Variants in SLC37A3 observed in about 807,000 individuals in gnomAD.
SLC37A3 encodes the protein sugar phosphate exchanger 3.
SLC37A3 carries 51 observed loss-of-function variants against 67.1 expected under a neutral mutation model. The observed-to-expected ratio is 0.76, with a 90% confidence interval of 0.61 to 0.96. The LOEUF (loss-of-function observed/expected upper bound fraction) is 0.96, where lower values mean the gene tolerates loss of function less well. Ranked by LOEUF, SLC37A3 falls within the 40% of genes least tolerant of loss-of-function variation. SLC37A3 has a pLI of 0.00. For synonymous variants in SLC37A3, 214 were observed against 231.4 expected (o/e 0.92, Z 0.68); for missense variants, 508 against 603.0 (o/e 0.84, Z 1.65).
chr7:140,370,122 A>G (rs531463708), intron 3 of SLC37A3, among the ~76,000 whole-genome samples: 1 of 145,942 alleles, frequency 6.9e-6, no homozygotes, highest in South Asian at 2.2e-4. Context: ...AAAAAACAAA[A>G]AAGAAAAGAA....
At chr7:140,353,343 C>T (rs1796889126) in intron 7 of SLC37A3, among the ~76,000 whole-genome samples, 2 of 151,908 alleles carry the variant, frequency 1.3e-5, no homozygotes, top group South Asian at 4.2e-4. Flanking sequence ...ATTACCCAGG[C>T]GTGGTGGCGT....
At chr7:140,376,762 G>A (rs377137168) in intron 3 of SLC37A3, among the ~76,000 whole-genome samples, 2 of 152,032 alleles carry the variant, frequency 1.3e-5, no homozygotes, top group South Asian at 4.1e-4. Context: ...TGTGCATAAG[G>A]TTGAGATGGA....
chr7:140,393,317 C>G (rs1798793485), intron 1 of SLC37A3, among the ~76,000 whole-genome samples: 1 of 152,190 alleles, frequency 6.6e-6, no homozygotes. Context: ...CATATCAGCA[C>G]CTGCAGAGCT....
rs1393639906 is a variant in SLC37A3, at chr7:140,352,044, G to A, written c.703+18C>T. On this transcript the variant is annotated intron_variant, in intron 8 of 14. Coordinates refer to ENST00000326232, the MANE Select transcript of SLC37A3 (RefSeq NM_207113.3). ...TAATAGTAAGACATTCGGAATAGAAGGGGCGGCTTCTCCTCACCAATTTCT... is the reference window on the plus strand; with the variant it reads ...TAATAGTAAGACATTCGGAATAGAAAGGGCGGCTTCTCCTCACCAATTTCT... The A allele has an allele frequency of 1.2e-6, 2 of 1,602,522 alleles. No individual in the cohort carries two copies. Among genetic ancestry groups the A allele is most frequent in the East Asian group, 2.2e-5 (1 of 44,782 alleles).
intron 5 of SLC37A3, among the ~76,000 whole-genome samples, chr7:140,361,770 T>G (rs1217203194): frequency 6.8e-6 from 1 of 146,870 alleles, no homozygotes; most frequent in Admixed American, 6.8e-5. Context: ...CGGGCTGGTC[T>G]CCAGCTCCTA....
In SLC37A3 at chr7:140,374,850, C is replaced by A. The variant is rs534048985; in HGVS notation, c.199-5168G>T. ...TCCAGCCTGAGCAACAGAGCAAGAC[C>A]CTGTCTTAAAAAACAAGGCCAGCGC... On this transcript the variant is annotated intron_variant, in intron 3 of 14. Coordinates refer to ENST00000326232, the MANE Select transcript of SLC37A3 (RefSeq NM_207113.3). Among the ~76,000 whole-genome samples the A allele has an allele frequency of 4.0e-5, 6 of 151,142 alleles. No homozygotes were observed. In the South Asian group the frequency reaches 1.0e-3, roughly 26 times the overall value.
At chr7:140,351,229 C>G (rs1159436577) in intron 9 of SLC37A3, 44 bp downstream of exon 9, 1 of 1,572,056 alleles carries the variant, frequency 6.4e-7, no homozygotes, top group South Asian at 1.2e-5. Context: ...ATGTCACGGG[C>G]TCTCATACCT....
chr7:140,358,217 C>A (rs990878047), intron 6 of SLC37A3, among the ~76,000 whole-genome samples: 1 of 152,074 alleles, frequency 6.6e-6, no homozygotes, highest in African/African-American at 2.4e-5. Flanking sequence ...ACATGAATAA[C>A]CTTTGACCTT....
rs954436677 is a variant in SLC37A3, at chr7:140,334,586, G to C, written c.*826C>G. Reference sequence around the variant, plus strand: ...CCAGACAACAAATCTGGGATGGAGTGCTTCGGCTGTGAGTTACACGTCGGA... The same window carrying C: ...CCAGACAACAAATCTGGGATGGAGTCCTTCGGCTGTGAGTTACACGTCGGA... On this transcript the variant is annotated 3_prime_UTR_variant, in exon 15 of 15. Transcript: ENST00000326232. The C allele has an allele frequency of 6.6e-6, 1 of 152,626 alleles. No homozygotes were observed. The highest frequency in any genetic ancestry group is 2.4e-5 in the African/African-American group (1 of 41,418). 9.5% of individuals were successfully genotyped at this position (152,626 alleles called of 1,614,324 possible). A position where few individuals can be genotyped will look rare whatever the true frequency, so the allele number is the denominator to read the frequency against.
chr7:140,376,872 C>CA (rs1170289018), intron 3 of SLC37A3, among the ~76,000 whole-genome samples: 1 of 151,838 alleles, frequency 6.6e-6, no homozygotes, highest in East Asian at 1.9e-4. Flanking sequence ...CTCCAGAGAC[C>CA]AAATGATCCT....
Position 140,335,424 on chromosome 7 carries a change from T to C in SLC37A3, c.1473A>G (p.Ile491Met). The change falls in exon 15 of 15, where the codon ATA (isoleucine) becomes ATG (methionine). Residue 491 changes from isoleucine to methionine, a missense_variant. Coordinates refer to ENST00000326232, the MANE Select transcript of SLC37A3 (RefSeq NM_207113.3). ...FSLVLRRQAHILRE is the reference protein window; with the variant it reads ...FSLVLRRQAHMLRE ...TCGCGGGCACCGGTCACTCCCTCAA[T>C]ATGTGAGCCTGTCTCCTTAGCACGA... The C allele has an allele frequency of 1.2e-6, 2 of 1,614,152 alleles. No homozygotes were observed. Among genetic ancestry groups the C allele is most frequent in the Non-Finnish European group, 1.7e-6 (2 of 1,180,028 alleles).
chr7:140,359,257 G>T (rs1048331491), intron 5 of SLC37A3, among the ~76,000 whole-genome samples: 1 of 151,834 alleles, frequency 6.6e-6, no homozygotes. Flanking sequence ...GCAGGAGAAT[G>T]GCATGAACCT....
At chr7:140,387,794 A>T (rs1376045529) in intron 1 of SLC37A3, among the ~76,000 whole-genome samples, 5 of 64,690 alleles carry the variant, frequency 7.7e-5, no homozygotes, top group Non-Finnish European at 1.3e-4. Context: ...TAAATATATT[A>T]TATATATTAT....
intron 1 of SLC37A3, among the ~76,000 whole-genome samples, chr7:140,385,664 A>T (rs117791729): frequency 0.013 from 1,937 of 152,320 alleles, 38 homozygotes; most frequent in African/African-American, 0.04. Context: ...AAAACTACCA[A>T]GACATTTGAG....
rs200932265 is a variant in SLC37A3 at position 140,343,442 on chromosome 7, A to G, written c.1296T>C (p.Gly432=). 58 of 1,613,792 alleles carry G rather than the reference A, an allele frequency of 3.6e-5. No homozygotes were observed. The highest frequency in any genetic ancestry group is 4.7e-5 in the Non-Finnish European group (56 of 1,179,960). Residue 432 remains glycine, a synonymous_variant, in exon 13 of 15, where the codon GGT becomes GGC. Coordinates refer to ENST00000326232, the MANE Select transcript of SLC37A3 (RefSeq NM_207113.3). ...ALATVTGIVD[G]SGSIGAAVGQ... ...CCACTGCAGCTCCAATGCTCCCCGAACCATCCACAATTCCTGTGACAGTGG... is the reference window on the plus strand; with the variant it reads ...CCACTGCAGCTCCAATGCTCCCCGAGCCATCCACAATTCCTGTGACAGTGG...
chr7:140,359,859 C>T, intron 5 of SLC37A3, among the ~76,000 whole-genome samples: 1 of 152,054 alleles, frequency 6.6e-6, no homozygotes, highest in East Asian at 1.9e-4. Flanking sequence ...GAACAATATG[C>T]TTAAAAAGGG....
rs572850331 is a variant in SLC37A3 at position 140,367,837 on chromosome 7, T to G, written c.291+1753A>C. Reference sequence around the variant, plus strand: ...CCACCTTCCTTTTTTTTTTTTTTTTTGAGATGGAGTCTCATTTTGTCATCC... The same window carrying G: ...CCACCTTCCTTTTTTTTTTTTTTTTGGAGATGGAGTCTCATTTTGTCATCC... On this transcript the variant is annotated intron_variant, in intron 4 of 14. Coordinates refer to ENST00000326232, the MANE Select transcript of SLC37A3 (RefSeq NM_207113.3). 7.3e-5 allele frequency among the ~76,000 whole-genome samples: 10 copies of G among 136,996 alleles called. 1 individual carries two copies. The East Asian group carries it at 2.2e-3, about 30-fold the overall frequency. The allele number at this position is 136,996 out of a possible 152,430, so 89.9% of individuals were successfully genotyped here.
Position 140,343,532 on chromosome 7 carries a change from AATC to A in SLC37A3, c.1203_1205del (p.Met401del). On this transcript the variant is annotated inframe_deletion, in exon 13 of 15. Coordinates refer to ENST00000326232, the MANE Select transcript of SLC37A3 (RefSeq NM_207113.3). ...CCAAGTCCGCAGAAATAGCAGAACT[AATC>A]ATATTAGAAGGTCCACCAATAAAAA... is the stretch of plus-strand genomic sequence containing the variant. 6.2e-7 allele frequency: 1 copy of A among 1,614,198 alleles called. No homozygotes were observed. The highest frequency in any genetic ancestry group is 2.2e-5 in the East Asian group (1 of 44,888).
chr7:140,348,578 C>T (rs762857752), intron 10 of SLC37A3, 48 bp downstream of exon 10: 1 of 1,550,738 alleles, frequency 6.4e-7, no homozygotes, highest in African/African-American at 1.4e-5. Flanking sequence ...AGTAAAAGAT[C>T]ACTAGTGACT....
Sources: gnomAD v4.1 joint callset for allele counts (sites outside exome capture counted in the v4.1 genomes callset) on GRCh38, gnomAD v4.1.1 for gene constraint, MANE v1.5 for transcripts, NCBI Gene and HGNC (gene_info 2026-07-23, HGNC 2026-07-21) for gene names.